CLNK: variants seen among roughly 807,000 people sequenced by gnomAD.
CLNK encodes the protein cytokine-dependent hematopoietic cell linker.
In CLNK, 74 loss-of-function variants were observed where a neutral mutation model predicts 68.6. The ratio of observed to expected loss-of-function variants is 1.08; its 90% CI spans 0.89 to 1.31. The LOEUF is 1.31. Ranked by LOEUF, CLNK falls within the 50% of genes most tolerant of loss-of-function variation. CLNK has a pLI of 0.00. For synonymous variants in CLNK, 198 were observed against 172.2 expected (o/e 1.15, Z -1.17); for missense variants, 553 against 515.3 (o/e 1.07, Z -0.71).
At chr4:10,563,482 A>T (rs1448893892) in intron 7 of CLNK, among the ~76,000 whole-genome samples, 1 of 152,240 alleles carries the variant, frequency 6.6e-6, no homozygotes, top group East Asian at 1.9e-4. Flanking sequence ...TTTGTCTACA[A>T]AAATTATACT....
intron 7 of CLNK, among the ~76,000 whole-genome samples, chr4:10,559,005 G>A (rs550823478): frequency 2.0e-5 from 3 of 152,204 alleles, no homozygotes; most frequent in African/African-American, 4.8e-5. Context: ...TTTTGAGGAC[G>A]GGACGACAAC....
At chr4:10,692,430 G>C in the CLNK span, among the ~76,000 whole-genome samples, 1 of 152,144 alleles carries the variant, frequency 6.6e-6, no homozygotes, top group Non-Finnish European at 1.5e-5. Context: ...TTCTAAGCCT[G>C]AACTTCTTTG....
the CLNK span, among the ~76,000 whole-genome samples, chr4:10,719,549 C>G: frequency 6.6e-6 from 1 of 151,728 alleles, no homozygotes; most frequent in East Asian, 1.9e-4. Context: ...CACAAAGAAA[C>G]AGAATTATAA....
At chr4:10,688,250 G>A (rs2108907563), upstream of CLNK, among the ~76,000 whole-genome samples, 1 of 152,274 alleles carries the variant, frequency 6.6e-6, no homozygotes, top group Middle Eastern at 3.4e-3. Flanking sequence ...GGTGTGTGTA[G>A]AGCTAAATCT....
intron 3 of CLNK, among the ~76,000 whole-genome samples, chr4:10,588,748 A>G (rs1197862542): frequency 6.6e-6 from 1 of 152,198 alleles, no homozygotes; most frequent in African/African-American, 2.4e-5. Flanking sequence ...ATTACATGAT[A>G]CTACTTTTAT....
At chr4:10,690,048 G>A in the CLNK span, among the ~76,000 whole-genome samples, 1 of 152,132 alleles carries the variant, frequency 6.6e-6, no homozygotes, top group Non-Finnish European at 1.5e-5. Context: ...CTGGATTTCA[G>A]ACGCGCTGAA....
chr4:10,646,273 T>C (rs1438607330), intron 2 of CLNK, among the ~76,000 whole-genome samples: 4 of 152,176 alleles, frequency 2.6e-5, no homozygotes, highest in Non-Finnish European at 5.9e-5. Context: ...AAATTCTAAT[T>C]TCATTTCCAT....
intron 1 of CLNK, among the ~76,000 whole-genome samples, chr4:10,678,414 A>G (rs996452184): frequency 1.3e-5 from 2 of 152,208 alleles, no homozygotes; most frequent in African/African-American, 4.8e-5. Flanking sequence ...AACTCTGAGG[A>G]TTTGAAATTT....
intron 17 of CLNK, among the ~76,000 whole-genome samples, chr4:10,503,345 C>T (rs1413995917): frequency 6.6e-6 from 1 of 151,712 alleles, no homozygotes; most frequent in Non-Finnish European, 1.5e-5. Context: ...CCCTGTTATC[C>T]TAGCTACTCC....
intron 15 of CLNK, among the ~76,000 whole-genome samples, chr4:10,514,716 A>G (rs1053519172): frequency 6.6e-6 from 1 of 151,262 alleles, no homozygotes. Flanking sequence ...CCAAAACACC[A>G]AAAGCAATGG....
chr4:10,589,334 A>ACGTAGAC (rs1363703826), intron 3 of CLNK, among the ~76,000 whole-genome samples: 1 of 152,144 alleles, frequency 6.6e-6, no homozygotes, highest in East Asian at 1.9e-4. Context: ...TATAGCAGCA[A>ACGTAGAC]CGTAGACCGC....
intron 2 of CLNK, among the ~76,000 whole-genome samples, chr4:10,663,676 AT>A (rs1024086997): frequency 3.3e-5 from 5 of 152,190 alleles, no homozygotes; most frequent in African/African-American, 1.2e-4. Context: ...TCATCCATTC[AT>A]TTATACTTAT....
Position 10,501,373 on chromosome 4 carries a change from G to A in CLNK, c.1023C>T (p.Ser341=), listed in dbSNP as rs777560137. 2.5e-6 allele frequency: 4 copies of A among 1,609,300 alleles called. No homozygotes were observed. In the South Asian group the frequency reaches 3.3e-5, roughly 13 times the overall value. Residue 341 remains serine (S), a synonymous_variant, in exon 18 of 19, where the codon TCC becomes TCT. Transcript: ENST00000226951. The stretch of plus-strand genomic sequence containing the variant: ...CAGCCAAAACATAGGGCTCTTCCTT[G>A]GATTTTGTGGAACAATCTCGGACCA... ...SFLVRDCSTK[S]KEEPYVLAVF...
chr4:10,605,677 A>G (rs1279619381), intron 2 of CLNK, among the ~76,000 whole-genome samples: 1 of 151,774 alleles, frequency 6.6e-6, no homozygotes, highest in Non-Finnish European at 1.5e-5. Context: ...AAAATACAAA[A>G]ATTAGCTGGG....
At chr4:10,668,958 G>T (rs1338905924) in intron 1 of CLNK, among the ~76,000 whole-genome samples, 2 of 152,160 alleles carry the variant, frequency 1.3e-5, no homozygotes, top group African/African-American at 2.4e-5. Flanking sequence ...AGGGTAGAGA[G>T]TGGGTTTTAC....
At chr4:10,637,585 T>C (rs1271529831) in intron 2 of CLNK, among the ~76,000 whole-genome samples, 1 of 46,980 alleles carries the variant, frequency 2.1e-5, no homozygotes, top group Non-Finnish European at 3.5e-5. Context: ...CCATTCCTCT[T>C]TTTTTTTTTT....
chr4:10,501,450 C>G (rs16869153), intron 17 of CLNK, 39 bp from the exon 18 acceptor site: 9 of 1,588,818 alleles, frequency 5.7e-6, no homozygotes, highest in Non-Finnish European at 6.8e-6. Context: ...TTCAGACACG[C>G]CAGCATTCTG....
At chr4:10,678,409 T>G (rs984466985) in intron 1 of CLNK, among the ~76,000 whole-genome samples, 42 of 152,196 alleles carry the variant, frequency 2.8e-4, no homozygotes, top group African/African-American at 9.7e-4. Context: ...TGAAAAACTC[T>G]GAGGATTTGA....
chr4:10,537,706 C>CCTTTCTTTCTTTCTTTCTTT (rs752656552), intron 11 of CLNK, among the ~76,000 whole-genome samples: 365 of 13,376 alleles, frequency 0.027, 41 homozygotes, highest in Non-Finnish European at 0.033. Flanking sequence ...TTCCTTCCTT[C>CCTTTCTTTCTTTCTTTCTTT]CTTTCTTTCT....
Sources: gnomAD v4.1 joint callset for allele counts (sites outside exome capture counted in the v4.1 genomes callset) on GRCh38, gnomAD v4.1.1 for gene constraint, MANE v1.5 for transcripts, NCBI Gene and HGNC (gene_info 2026-07-23, HGNC 2026-07-21) for gene names.